TMEM87B: variants seen among roughly 807,000 people sequenced by gnomAD.
The protein encoded by TMEM87B is transmembrane protein 87B.
TMEM87B carries 83 observed loss-of-function variants against 80.3 expected under a neutral mutation model. The ratio of observed to expected loss-of-function variants is 1.03; its 90% CI spans 0.87 to 1.24. The LOEUF (loss-of-function observed/expected upper bound fraction) is 1.24, where lower values mean the gene tolerates loss of function less well. Ranked by LOEUF, TMEM87B falls within the 50% of genes most tolerant of loss-of-function variation. The probability of loss-of-function intolerance (pLI) is 0.00; values close to 1 mark genes in which losing one functional copy is unlikely to be tolerated. For missense variants in TMEM87B, 625 were observed against 674.4 expected (o/e 0.93, Z 0.81); for synonymous variants, 219 against 230.5 (o/e 0.95, Z 0.45).
At chr2:112,076,842 TTGTGTGTGTGTG>T (rs70962982) in intron 5 of TMEM87B, among the ~76,000 whole-genome samples, 366 of 139,260 alleles carry the variant, frequency 2.6e-3, no homozygotes, top group African/African-American at 7.2e-3. Flanking sequence ...CTTTTCTGTT[TTGTGTGTGTGTG>T]TGTGTGTGTG....
chr2:112,071,819 G>A (rs1230061627), intron 4 of TMEM87B, among the ~76,000 whole-genome samples: 1 of 152,128 alleles, frequency 6.6e-6, no homozygotes, highest in Non-Finnish European at 1.5e-5. Flanking sequence ...CCAATACCAT[G>A]TTAAATAGGA....
chr2:112,078,577 T>G (rs1310837943), intron 6 of TMEM87B, among the ~76,000 whole-genome samples: 6 of 152,184 alleles, frequency 3.9e-5, no homozygotes, highest in Non-Finnish European at 7.3e-5. Flanking sequence ...ACAGTGGGTA[T>G]GAAGCTTTAA....
intron 1 of TMEM87B, among the ~76,000 whole-genome samples, chr2:112,056,934 T>C (rs903036068): frequency 6.6e-6 from 1 of 152,226 alleles, no homozygotes; most frequent in Non-Finnish European, 1.5e-5. Context: ...CGATAGTGAA[T>C]AGTCAATATA....
chr2:112,100,045 G>T (rs1437405294), intron 14 of TMEM87B, among the ~76,000 whole-genome samples: 1 of 152,134 alleles, frequency 6.6e-6, no homozygotes, highest in Non-Finnish European at 1.5e-5. Context: ...TTAAAAAATA[G>T]ATTTTTGCTA....
At chr2:112,057,390 C>T (rs1464715912) in intron 1 of TMEM87B, among the ~76,000 whole-genome samples, 1 of 152,184 alleles carries the variant, frequency 6.6e-6, no homozygotes, top group African/African-American at 2.4e-5. Flanking sequence ...ATCCTCTAGT[C>T]TCAGTCTCCT....
intron 4 of TMEM87B, among the ~76,000 whole-genome samples, chr2:112,068,501 G>A (rs4848984): frequency 0.47 from 70,688 of 151,556 alleles, 17,733 homozygotes; most frequent in East Asian, 0.87. Context: ...TCAGGAGATC[G>A]AGACCATCCT....
Position 112,116,111 on chromosome 2 carries a change from G to A in TMEM87B, c.1636G>A (p.Glu546Lys), listed in dbSNP as rs1680016604. The A allele has an allele frequency of 6.2e-7, 1 of 1,612,280 alleles. No individual in the cohort carries two copies. The highest frequency in any genetic ancestry group is 1.7e-5 in the Admixed American group (1 of 59,944). The change falls in exon 19 of 19, where the codon GAA becomes AAA. Residue 546 changes from glutamate to lysine, a missense_variant. By Grantham distance (56) the Glu-to-Lys change is moderately conservative. Transcript: ENST00000283206. ...AATCATGACCAGATCTGAAATGGCT[G>A]AAAAAATGTTCTCTTCAGAAAAGAT... ...EEIMTRSEMA[E>K]KMFSSEKIM
chr2:112,102,650 T>C (rs1445546652), intron 15 of TMEM87B, among the ~76,000 whole-genome samples: 2 of 151,722 alleles, frequency 1.3e-5, no homozygotes, highest in Non-Finnish European at 2.9e-5. Flanking sequence ...GCCAAGCCAC[T>C]GCACGCCAGC....
chr2:112,105,823 C>A, intron 15 of TMEM87B, 179 bp from the exon 16 acceptor site: 1 of 437,234 alleles, frequency 2.3e-6, no homozygotes, highest in Non-Finnish European at 3.9e-6. Context: ...AATCTGTGAA[C>A]TTTTTTCATA....
intron 2 of TMEM87B, among the ~76,000 whole-genome samples, chr2:112,063,302 G>A (rs367943252): frequency 5.3e-5 from 8 of 152,330 alleles, no homozygotes; most frequent in East Asian, 3.9e-4. Context: ...CTGCCATGTC[G>A]TGAGGACGTT....
At chr2:112,063,526 C>CA (rs1157403061) in intron 2 of TMEM87B, among the ~76,000 whole-genome samples, 1 of 152,220 alleles carries the variant, frequency 6.6e-6, no homozygotes, top group Non-Finnish European at 1.5e-5. Flanking sequence ...GGGTCATACT[C>CA]ATGCTGTGCT....
chr2:112,055,407 C>T lies in TMEM87B; in HGVS notation c.-185C>T, dbSNP rs767352509. 2 of 639,556 alleles carry T rather than the reference C, an allele frequency of 3.1e-6. No homozygotes were observed. The highest frequency in any genetic ancestry group is 5.0e-6 in the Non-Finnish European group (2 of 404,034). 39.6% of individuals were successfully genotyped at this position (639,556 alleles called of 1,614,324 possible). On this transcript the variant is annotated 5_prime_UTR_variant, in exon 1 of 19. Transcript: ENST00000283206. ...GCTCAGAGCCCTAAGCCCTGCCTCC[C>T]GGTCCTGGCCGGGTTTCCCAGAACT... is the stretch of plus-strand genomic sequence containing the variant.
chr2:112,073,024 C>T (rs1328336617), intron 4 of TMEM87B, among the ~76,000 whole-genome samples: 2 of 151,516 alleles, frequency 1.3e-5, no homozygotes, highest in African/African-American at 2.4e-5. Flanking sequence ...CTCAGCCTCC[C>T]GAGTAGCTGG....
intron 1 of TMEM87B, among the ~76,000 whole-genome samples, chr2:112,057,496 T>C (rs1678114736): frequency 6.6e-6 from 1 of 152,338 alleles, no homozygotes; most frequent in African/African-American, 2.4e-5. Flanking sequence ...GGCTGGTCTT[T>C]AACTGCTGGC....
chr2:112,055,780 G>A (rs1214412547), intron 1 of TMEM87B, 24 bp downstream of exon 1: 4 of 1,453,914 alleles, frequency 2.8e-6, no homozygotes, highest in African/African-American at 1.5e-5. Flanking sequence ...CGGGACCCAG[G>A]CGTGGCACGT....
chr2:112,100,048 T>A (rs1679588284), intron 14 of TMEM87B, among the ~76,000 whole-genome samples: 1 of 152,224 alleles, frequency 6.6e-6, no homozygotes, highest in African/African-American at 2.4e-5. Flanking sequence ...AAAAATAGAT[T>A]TTTGCTATTA....
At chr2:112,081,689 A>C (rs1679003740) in intron 8 of TMEM87B, among the ~76,000 whole-genome samples, 171 bp downstream of exon 8, 1 of 152,206 alleles carries the variant, frequency 6.6e-6, no homozygotes, top group Non-Finnish European at 1.5e-5. Flanking sequence ...GATCTGGCCA[A>C]GCATGTGTCT....
At chr2:112,062,107 A>C (rs1678276240) in intron 2 of TMEM87B, among the ~76,000 whole-genome samples, 1 of 152,260 alleles carries the variant, frequency 6.6e-6, no homozygotes. Flanking sequence ...TCTACATGGT[A>C]ATCATGAAAG....
chr2:112,056,642 T>G (rs1307152068), intron 1 of TMEM87B, among the ~76,000 whole-genome samples: 1 of 152,196 alleles, frequency 6.6e-6, no homozygotes, highest in Non-Finnish European at 1.5e-5. Context: ...AATGTCCAGG[T>G]TCTAAAGATG....
Sources: allele counts gnomAD v4.1 joint callset (sites outside exome capture counted in the v4.1 genomes callset), GRCh38; gene constraint gnomAD v4.1.1; transcripts MANE v1.5; gene names NCBI Gene and HGNC (gene_info 2026-07-23, HGNC 2026-07-21).